OPCML: variants seen among roughly 807,000 people sequenced by gnomAD.
OPCML encodes opioid-binding protein/cell adhesion molecule.
Under a neutral mutation model 37.8 loss-of-function variants are expected in OPCML, and 13 were observed. The ratio of observed to expected loss-of-function variants is 0.34; its 90% confidence interval spans 0.22 to 0.55. The LOEUF is 0.55. OPCML is among the 20% of genes least tolerant of loss of function. OPCML has a pLI of 0.91. For synonymous variants in OPCML, 176 were observed against 168.8 expected (o/e 1.04, Z -0.33); for missense variants, 341 against 435.6 (o/e 0.78, Z 1.93).
At chr11:133,464,712 C>G (rs1250225697) in intron 1 of OPCML, among the ~76,000 whole-genome samples, 2 of 152,140 alleles carry the variant, frequency 1.3e-5, no homozygotes, top group Non-Finnish European at 2.9e-5. Flanking sequence ...GAAAAGTTAC[C>G]AGGAACACAG....
At chr11:132,787,283 G>A (rs1366598191) in intron 2 of OPCML, among the ~76,000 whole-genome samples, 1 of 152,192 alleles carries the variant, frequency 6.6e-6, no homozygotes, top group Non-Finnish European at 1.5e-5. Flanking sequence ...CTTAATGCAT[G>A]ACTGTGAGCA....
intron 1 of OPCML, among the ~76,000 whole-genome samples, chr11:133,383,317 C>T (rs890004898): frequency 6.6e-6 from 1 of 152,134 alleles, no homozygotes; most frequent in African/African-American, 2.4e-5. Context: ...GCTGGAACTG[C>T]CGTATGGTGC....
intron 1 of OPCML, among the ~76,000 whole-genome samples, chr11:132,967,863 C>T (rs1946249417): frequency 6.6e-6 from 1 of 152,216 alleles, no homozygotes; most frequent in Non-Finnish European, 1.5e-5. Flanking sequence ...CTAGAAATGT[C>T]TTTATTTCAC....
chr11:133,042,215 C>T (rs551452103), intron 1 of OPCML, among the ~76,000 whole-genome samples: 22 of 152,344 alleles, frequency 1.4e-4, no homozygotes, highest in Middle Eastern at 3.4e-3. Context: ...GCCTCGCCCA[C>T]GTGGCCAGCC....
intron 4 of OPCML, among the ~76,000 whole-genome samples, chr11:132,474,429 G>C (rs1316332875): frequency 6.6e-6 from 1 of 152,156 alleles, no homozygotes; most frequent in Admixed American, 6.5e-5. Flanking sequence ...TGAAACAATA[G>C]GCATTTCTCA....
At chr11:132,657,813 C>T (rs1018896988) in intron 2 of OPCML, among the ~76,000 whole-genome samples, 41 of 152,200 alleles carry the variant, frequency 2.7e-4, no homozygotes, top group African/African-American at 9.9e-4. Context: ...TACCCCTAAG[C>T]AGCCGAAAGC....
At chr11:133,143,488 C>T (rs139240827) in intron 1 of OPCML, among the ~76,000 whole-genome samples, 1 of 152,336 alleles carries the variant, frequency 6.6e-6, no homozygotes, top group Non-Finnish European at 1.5e-5. Context: ...ATGGAGCAGA[C>T]TCCTTGCAGA....
intron 3 of OPCML, among the ~76,000 whole-genome samples, chr11:132,645,954 G>A (rs560177614): frequency 6.6e-6 from 1 of 152,312 alleles, no homozygotes; most frequent in South Asian, 2.1e-4. Flanking sequence ...GAACATTAAA[G>A]GCAGATGAAT....
In OPCML at chr11:133,214,711, G is replaced by A. The variant is rs909307265; in HGVS notation, c.62-271701C>T. 7.2e-5 allele frequency among the ~76,000 whole-genome samples: 11 copies of A among 152,224 alleles called. 1 individual carries two copies. The highest frequency in any genetic ancestry group is 3.4e-3 in the Middle Eastern group (1 of 292). On this transcript the variant is annotated intron_variant, in intron 1 of 7. Coordinates refer to ENST00000524381, the MANE Select transcript of OPCML (RefSeq NM_001012393.5). Reference sequence around the variant, plus strand: ...CTCATTCATCCTCCTCTCATCATCAGTTTAAGAGATTGCATTTTGCTCAGA... The same window carrying A: ...CTCATTCATCCTCCTCTCATCATCAATTTAAGAGATTGCATTTTGCTCAGA...
intron 2 of OPCML, among the ~76,000 whole-genome samples, chr11:132,935,347 TA>T (rs1425172547): frequency 4.6e-5 from 7 of 152,214 alleles, no homozygotes; most frequent in Non-Finnish European, 1.0e-4. Flanking sequence ...CTCTTTTGCG[TA>T]ATTACTTCTG....
At chr11:132,527,082 T>C (rs903686259) in intron 4 of OPCML, among the ~76,000 whole-genome samples, 1 of 152,232 alleles carries the variant, frequency 6.6e-6, no homozygotes, top group African/African-American at 2.4e-5. Context: ...TGTTAATTGC[T>C]GAGTAGCAAT....
intron 4 of OPCML, among the ~76,000 whole-genome samples, chr11:132,440,662 C>G (rs2096029683): frequency 6.6e-6 from 1 of 152,228 alleles, no homozygotes; most frequent in Non-Finnish European, 1.5e-5. Context: ...AATCAGGATG[C>G]ATGGATTCTT....
chr11:132,682,805 G>A (rs901373321), intron 2 of OPCML, among the ~76,000 whole-genome samples: 1 of 152,178 alleles, frequency 6.6e-6, no homozygotes, highest in African/African-American at 2.4e-5. Context: ...TATTCTACCA[G>A]ACTTCACAAT....
chr11:132,680,114 G>A (rs1942876016), intron 2 of OPCML, among the ~76,000 whole-genome samples: 1 of 152,144 alleles, frequency 6.6e-6, no homozygotes, highest in African/African-American at 2.4e-5. Flanking sequence ...GCAAATTCAG[G>A]TGCTGTGAAC....
chr11:132,791,856 C>T (rs1011684597), intron 2 of OPCML, among the ~76,000 whole-genome samples: 1 of 152,184 alleles, frequency 6.6e-6, no homozygotes, highest in African/African-American at 2.4e-5. Context: ...GACTGACAGG[C>T]CCTCTCTCCT....
Position 133,174,639 on chromosome 11 carries a change from G to GGA in OPCML, c.62-231630_62-231629insTC, listed in dbSNP as rs552061062. Among the ~76,000 whole-genome samples the GGA allele has an allele frequency of 0.18, 21,440 of 116,736 alleles. 1,957 individuals carry two copies. The highest frequency in any genetic ancestry group is 0.27 in the African/African-American group (9,333 of 34,594). 76.6% of individuals were successfully genotyped at this position (116,736 alleles called of 152,430 possible). On this transcript the variant is annotated intron_variant, in intron 1 of 7. Transcript: ENST00000524381. This position sits in a 1 kb window ranked among gnomAD's most constrained non-coding sequence, Gnocchi z 4.6. ...AAATGCTCATGGAATGCTGTTTAGTGAAAAAAAAAAAAAAAAAAAGCAGGG... is the reference window on the plus strand; with the variant it reads ...AAATGCTCATGGAATGCTGTTTAGTGGAAAAAAAAAAAAAAAAAAAAGCAGGG...
intron 4 of OPCML, among the ~76,000 whole-genome samples, chr11:132,477,152 T>G (rs2096159256): frequency 6.6e-6 from 1 of 152,086 alleles, no homozygotes; most frequent in African/African-American, 2.4e-5. Context: ...AACCCAATGA[T>G]TTTCAAATGA....
At chr11:132,669,403 TGGAAAAG>T (rs5795794) in intron 2 of OPCML, among the ~76,000 whole-genome samples, 77,036 of 149,270 alleles carry the variant, frequency 0.52, 19,750 homozygotes, top group Middle Eastern at 0.6. Context: ...CTGGGCACCA[TGGAAAAG>T]GGAAAAGGGA....
At chr11:132,839,364 T>C (rs960632030) in intron 2 of OPCML, among the ~76,000 whole-genome samples, 4 of 152,118 alleles carry the variant, frequency 2.6e-5, no homozygotes, top group African/African-American at 9.7e-5. Flanking sequence ...CTGGTGAAGA[T>C]CGGAACCGCA....
Sources: allele counts gnomAD v4.1 joint callset (sites outside exome capture counted in the v4.1 genomes callset), GRCh38; gene constraint gnomAD v4.1.1; non-coding constraint Gnocchi (gnomAD v3.1); transcripts MANE v1.5; gene names NCBI Gene and HGNC (gene_info 2026-07-23, HGNC 2026-07-21).